MTUS2: variants seen among roughly 807,000 people sequenced by gnomAD.
The protein encoded by MTUS2 is microtubule associated scaffold protein 2, also known as microtubule-associated tumor suppressor candidate 2.
In MTUS2, 40 loss-of-function variants were observed where a neutral mutation model predicts 114.1. The ratio of observed to expected loss-of-function variants is 0.35; its 90% CI spans 0.27 to 0.46. MTUS2 has a LOEUF of 0.46. MTUS2 is among the 20% of genes least tolerant of loss of function. MTUS2 has a pLI of 1.00. For missense variants in MTUS2, 1,679 were observed against 1,705.4 expected (o/e 0.98, Z 0.27); for synonymous variants, 688 against 672.0 (o/e 1.02, Z -0.37).
intron 7 of MTUS2, among the ~76,000 whole-genome samples, chr13:29,358,064 T>G (rs1201814945): frequency 6.6e-6 from 1 of 152,084 alleles, no homozygotes; most frequent in East Asian, 1.9e-4. Flanking sequence ...AAGAAAACAT[T>G]TGAAATATTA....
intron 4 of MTUS2, among the ~76,000 whole-genome samples, chr13:29,080,050 T>G (rs1321727499): frequency 6.6e-6 from 1 of 152,220 alleles, no homozygotes; most frequent in Non-Finnish European, 1.5e-5. Context: ...TCTAATTATT[T>G]ATGTATTCTT....
In MTUS2 at chr13:29,025,133, C is replaced by T. The variant is rs374183671; in HGVS notation, c.435C>T (p.Asp145=). 46 of 1,613,918 alleles carry T rather than the reference C, an allele frequency of 2.9e-5. No homozygotes were observed. The African/African-American group carries it at 4.5e-4, about 16-fold the overall frequency. The stretch of plus-strand genomic sequence containing the variant: ...ATGTGATGAGTGAGGCCAGTCTAGA[C>T]GTTTTGGCTAAAAGGGATGCTGAAA... ...WRNVMSEASL[D]VLAKRDAEIP... Residue 145 remains aspartate, a synonymous_variant, in exon 3 of 16, where the codon GAC becomes GAT. Coordinates refer to ENST00000612955, the MANE Select transcript of MTUS2 (RefSeq NM_001033602.4).
rs146085401 is a variant in MTUS2 at position 29,150,879 on chromosome 13, C to G, written c.2644+49909C>G. On this transcript the variant is annotated intron_variant, in intron 5 of 15. Transcript: ENST00000612955. ...AGGTGTGCAGCTTTATTTCTAGGTT[C>G]TCTATGGTGTTCCATTCGTCTACAT... 5.9e-3 allele frequency among the ~76,000 whole-genome samples: 899 copies of G among 152,152 alleles called. 3 individuals carry two copies. Among genetic ancestry groups the G allele is most frequent in the Middle Eastern group, 0.017 (5 of 294 alleles).
intron 8 of MTUS2, among the ~76,000 whole-genome samples, chr13:29,410,118 G>A (rs1313021327): frequency 1.0e-5 from 1 of 98,050 alleles, no homozygotes; most frequent in Non-Finnish European, 2.0e-5. Flanking sequence ...CATCGAATAT[G>A]CTGTTGTACT....
At chr13:29,008,766 A>C (rs897188952) in intron 2 of MTUS2, among the ~76,000 whole-genome samples, 1 of 152,044 alleles carries the variant, frequency 6.6e-6, no homozygotes, top group Non-Finnish European at 1.5e-5. Flanking sequence ...AGGGCTTTCC[A>C]TTTGTTCCTA....
intron 5 of MTUS2, among the ~76,000 whole-genome samples, chr13:29,145,213 T>A (rs1892381491): frequency 6.6e-6 from 1 of 152,172 alleles, no homozygotes; most frequent in Non-Finnish European, 1.5e-5. Context: ...CTTAAATATT[T>A]CAGTTTAACC....
At chr13:29,255,367 C>T (rs1033282527) in intron 5 of MTUS2, among the ~76,000 whole-genome samples, 10 of 152,136 alleles carry the variant, frequency 6.6e-5, no homozygotes, top group African/African-American at 2.4e-4. Flanking sequence ...CCCTCCGGTC[C>T]ATCTGTCATT....
chr13:28,868,273 C>T (rs985841121), intron 2 of MTUS2, among the ~76,000 whole-genome samples: 1 of 152,134 alleles, frequency 6.6e-6, no homozygotes, highest in Non-Finnish European at 1.5e-5. Flanking sequence ...ATAGGTTTAT[C>T]CATCTGTTTC....
In MTUS2 at chr13:28,961,448, G is replaced by A. The variant is rs116992887; in HGVS notation, c.-242-63009G>A. On this transcript the variant is annotated intron_variant, in intron 2 of 15. Transcript: ENST00000612955. ...ATGACATTGGATTTCTCATCAGAAA[G>A]TGTGGAGAGCAGAGCAAAGTGAAAC... Among the ~76,000 whole-genome samples, 1,270 of 152,180 alleles carry A rather than the reference G, an allele frequency of 8.3e-3. 4 individuals carry two copies. Among genetic ancestry groups the A allele is most frequent in the Middle Eastern group, 0.02 (6 of 294 alleles).
chr13:29,072,413 TCAATGTTGTTGACCAG>T (rs1468206105), intron 4 of MTUS2, among the ~76,000 whole-genome samples: 1 of 152,172 alleles, frequency 6.6e-6, no homozygotes, highest in Non-Finnish European at 1.5e-5. Context: ...TTAAATCCAG[TCAATGTTGTTGACCAG>T]CATCTCTGAG....
At chr13:29,141,469 G>A (rs918534830) in intron 5 of MTUS2, among the ~76,000 whole-genome samples, 5 of 152,146 alleles carry the variant, frequency 3.3e-5, no homozygotes, top group African/African-American at 1.2e-4. Flanking sequence ...AATTCAGTTT[G>A]ATTGCAGCCT....
chr13:29,140,757 A>C (rs1358555900), intron 5 of MTUS2, among the ~76,000 whole-genome samples: 1 of 152,134 alleles, frequency 6.6e-6, no homozygotes, highest in Non-Finnish European at 1.5e-5. Context: ...CATTAGCCGT[A>C]TTTTCAGGGA....
chr13:28,891,879 AAAAG>A (rs1295616690), intron 2 of MTUS2, among the ~76,000 whole-genome samples: 179 of 150,894 alleles, frequency 1.2e-3, no homozygotes, highest in Non-Finnish European at 2.3e-3. Flanking sequence ...AAAAAAAAAA[AAAAG>A]AATAACAACA....
chr13:29,125,314 G>A (rs1891468871), intron 5 of MTUS2, among the ~76,000 whole-genome samples: 1 of 152,136 alleles, frequency 6.6e-6, no homozygotes, highest in South Asian at 2.1e-4. Flanking sequence ...TATGTGATAG[G>A]CATCACATTG....
At chr13:29,033,787 C>G in intron 3 of MTUS2, 98 bp from the exon 4 acceptor site, 2 of 1,452,610 alleles carry the variant, frequency 1.4e-6, no homozygotes, top group Non-Finnish European at 1.9e-6. Context: ...TAAGTGGTAC[C>G]AGAGTGGTCA....
intron 2 of MTUS2, among the ~76,000 whole-genome samples, chr13:28,882,633 A>G (rs557749451): frequency 6.6e-6 from 1 of 152,242 alleles, no homozygotes; most frequent in African/African-American, 2.4e-5. Context: ...ATTACTCAGG[A>G]GGCTGAGGCA....
chr13:28,910,264 A>C (rs1220298845), intron 2 of MTUS2, among the ~76,000 whole-genome samples: 1 of 152,198 alleles, frequency 6.6e-6, no homozygotes, highest in Non-Finnish European at 1.5e-5. Flanking sequence ...TCCCACAAAT[A>C]AGCGAGAACA....
chr13:29,229,371 T>C (rs1896236060), intron 5 of MTUS2, among the ~76,000 whole-genome samples: 1 of 152,246 alleles, frequency 6.6e-6, no homozygotes, highest in Non-Finnish European at 1.5e-5. Context: ...GTCTTCTTAA[T>C]CCACTTTATC....
At chr13:28,888,400 C>T (rs894424447) in intron 2 of MTUS2, among the ~76,000 whole-genome samples, 5 of 148,324 alleles carry the variant, frequency 3.4e-5, no homozygotes, top group African/African-American at 1.2e-4. Context: ...CCCCATCTAT[C>T]TGGTTTTCCT....
Sources: gnomAD v4.1 joint callset for allele counts (sites outside exome capture counted in the v4.1 genomes callset) on GRCh38, gnomAD v4.1.1 for gene constraint, MANE v1.5 for transcripts, NCBI Gene and HGNC (gene_info 2026-07-23, HGNC 2026-07-21) for gene names.